Variants in ZNF594 observed in about 807,000 individuals in gnomAD.
ZNF594 encodes the protein zinc finger protein HZF18.
For synonymous variants in ZNF594, 336 were observed against 309.4 expected (o/e 1.09, Z -0.90); for missense variants, 1,037 against 964.6 (o/e 1.08, Z -0.99).
In ZNF594 at chr17:5,187,768, A is replaced by G. The variant is rs144401024; in HGVS notation, c.-20-3492T>C. Among the ~76,000 whole-genome samples the G allele has an allele frequency of 5.9e-5, 9 of 152,340 alleles. No homozygotes were observed. The East Asian group carries it at 1.7e-3, about 29-fold the overall frequency. ...TAAATACACATAAAACATTTAGAAC[A>G]GTGCTTTGCATACAGAAAGCACTAT... On this transcript the variant is annotated intron_variant, in intron 1 of 1. Transcript: ENST00000575779.
At position 5,184,212 on chromosome 17, in the gene ZNF594, CTTCTT is replaced by C. The variant is rs776043089; in HGVS notation, c.40_44del (p.Lys14ValfsTer18). 1.4e-5 allele frequency: 23 copies of C among 1,613,026 alleles called. No homozygotes were observed. The highest frequency in any genetic ancestry group is 1.6e-4 in the Middle Eastern group (1 of 6,080). ...GTTTTTCGGATGCAGCCCTTGCTGACTTCTTTTCTTCAGAAATTTCCATCTTTGAT... is the reference window on the plus strand; with the variant it reads ...GTTTTTCGGATGCAGCCCTTGCTGACTTCTTCAGAAATTTCCATCTTTGAT... On this transcript the variant is annotated frameshift_variant, in exon 2 of 2. Coordinates refer to ENST00000575779, the MANE Select transcript of ZNF594 (RefSeq NM_032530.2). LOFTEE classifies it low-confidence loss of function (END_TRUNC).
At chr17:5,190,866 A>G (rs982640583) in intron 1 of ZNF594, among the ~76,000 whole-genome samples, 4 of 151,992 alleles carry the variant, frequency 2.6e-5, no homozygotes, top group Non-Finnish European at 5.9e-5. Flanking sequence ...CTGATAAGAT[A>G]TTGAGGCAAG....
Position 5,183,010 on chromosome 17 carries a change from C to T in ZNF594, c.1247G>A (p.Ser416Asn). 1 of 1,614,104 alleles carries T rather than the reference C, an allele frequency of 6.2e-7. No individual in the cohort carries two copies. ...CKECGKTFNQ[S>N]SDLLRHHRIH... ...TCTATGATGTCTCAGAAGGTCTGAG[C>T]TCTGATTGAAAGTTTTCCCACATTC... is the stretch of plus-strand genomic sequence containing the variant. The change falls in exon 2 of 2, where the codon AGC becomes AAC. Residue 416 changes from serine to asparagine, a missense_variant. Physicochemically the swap from Ser to Asn is conservative, Grantham distance 46. Coordinates refer to ENST00000575779, the MANE Select transcript of ZNF594 (RefSeq NM_032530.2).
At position 5,179,550 on chromosome 17, in the gene ZNF594, T is replaced by C. The variant is rs1000767162; in HGVS notation, c.*2283A>G. ...AGTCACTAAGTAATTCTTAAATAAC[T>C]TTTATTTCAACATTCAGTTAAAAAC... On this transcript the variant is annotated 3_prime_UTR_variant, in exon 2 of 2. Transcript: ENST00000575779. The C allele has an allele frequency of 2.0e-5, 3 of 152,632 alleles. No individual in the cohort carries two copies. The highest frequency in any genetic ancestry group is 4.4e-5 in the Non-Finnish European group (3 of 68,032). 9.5% of individuals were successfully genotyped at this position (152,632 alleles called of 1,614,324 possible).
rs1490812754 is a variant in ZNF594, at chr17:5,184,170, G to A, written c.87C>T (p.Thr29=). 1.2e-6 allele frequency: 2 copies of A among 1,613,930 alleles called. No individual in the cohort carries two copies. Among genetic ancestry groups the A allele is most frequent in the African/African-American group, 1.3e-5 (1 of 74,878 alleles). ...AASEKLQRQI[T]QECELVETSN... ...TGGTTTCAACTAACTCACATTCCTG[G>A]GTGATTTGTCTTTGGAGTTTTTCGG... Residue 29 remains threonine (T), a synonymous_variant, in exon 2 of 2, where the codon ACC becomes ACT. Transcript: ENST00000575779.
chr17:5,188,833 C>T (rs7212059), intron 1 of ZNF594, among the ~76,000 whole-genome samples: 9,438 of 150,746 alleles, frequency 0.063, 375 homozygotes, highest in East Asian at 0.17. Context: ...CTGCAAGCTC[C>T]GCCTCCCGGG....
At position 5,180,223 on chromosome 17, in the gene ZNF594, G is replaced by C. The variant is rs1465098757; in HGVS notation, c.*1610C>G. ...CTACAGGCGTGCCCCACCATGCCTG[G>C]CTAATTTTTGTTATTTTTAGTAGAG... On this transcript the variant is annotated 3_prime_UTR_variant, in exon 2 of 2. Coordinates refer to ENST00000575779, the MANE Select transcript of ZNF594 (RefSeq NM_032530.2). 1 of 151,954 alleles carries C rather than the reference G, an allele frequency of 6.6e-6. No homozygotes were observed. Among genetic ancestry groups the C allele is most frequent in the Non-Finnish European group, 1.5e-5 (1 of 68,034 alleles). The allele number at this position is 151,954 out of a possible 1,614,324, so 9.4% of individuals were successfully genotyped here. A position where few individuals can be genotyped will look rare whatever the true frequency, so the allele number is the denominator to read the frequency against.
Position 5,183,086 on chromosome 17 carries a change from G to C in ZNF594, c.1171C>G (p.Leu391Val). Reference sequence around the variant, plus strand: ...GTATGAGTTACCTGATGTCTGATGAGGTCTGAGGTGCCCTGGAAATTCCTA... The same window carrying C: ...GTATGAGTTACCTGATGTCTGATGACGTCTGAGGTGCCCTGGAAATTCCTA... ...CGRNFQGTSD[L>V]IRHQVTHTGE... The change falls in exon 2 of 2, where the codon CTC (leucine) becomes GTC (valine). Residue 391 changes from leucine (L) to valine (V), a missense_variant. Leu to Val is a conservative substitution (Grantham distance 32, BLOSUM62 1). Transcript: ENST00000575779. The C allele has an allele frequency of 1.9e-6, 3 of 1,614,048 alleles. No homozygotes were observed. The highest frequency in any genetic ancestry group is 1.7e-5 in the Admixed American group (1 of 59,998).
At chr17:5,185,140 C>CACGTT (rs1200040539) in intron 1 of ZNF594, among the ~76,000 whole-genome samples, 1 of 152,098 alleles carries the variant, frequency 6.6e-6, no homozygotes, top group Admixed American at 6.5e-5. Flanking sequence ...TTTGAGGGTC[C>CACGTT]ACGTTATCAA....
In ZNF594 at chr17:5,181,121, G is replaced by A. The variant is rs769902809; in HGVS notation, c.*712C>T. On this transcript the variant is annotated 3_prime_UTR_variant, in exon 2 of 2. Coordinates refer to ENST00000575779, the MANE Select transcript of ZNF594 (RefSeq NM_032530.2). ...TGACAAGGTGTGAGTTCTGACTGAA[G>A]GCCTTCCAACATTCAGGGCATTCAT... 123 of 1,566,754 alleles carry A rather than the reference G, an allele frequency of 7.9e-5. No individual in the cohort carries two copies. Among genetic ancestry groups the A allele is most frequent in the Non-Finnish European group, 2.4e-5 (27 of 1,141,642 alleles).
Position 5,182,618 on chromosome 17 carries a change from T to C in ZNF594, c.1639A>G (p.Lys547Glu), listed in dbSNP as rs2074352858. 1 of 1,613,500 alleles carries C rather than the reference T, an allele frequency of 6.2e-7. No individual in the cohort carries two copies. Among genetic ancestry groups the C allele is most frequent in the Non-Finnish European group, 8.5e-7 (1 of 1,179,690 alleles). Reference protein sequence around the residue: ...LHTGEKLECEKTFSQDEELRG... With the variant: ...LHTGEKLECEETFSQDEELRG... The stretch of plus-strand genomic sequence containing the variant: ...AGCTCCTCATCCTGGCTGAAGGTTT[T>C]CTCACATTCAAGTTTCTCTCCAGTA... The change falls in exon 2 of 2, where the codon AAA (lysine) becomes GAA (glutamate). Residue 547 changes from lysine to glutamate, a missense_variant. By Grantham distance (56) the Lys-to-Glu change is moderately conservative (BLOSUM62 1). Transcript: ENST00000575779.
chr17:5,183,196 TCA>T lies in ZNF594; in HGVS notation c.1059_1060del (p.Cys353Ter). ...CTCCTCATCCTTGCTGAAGGTTTTC[TCA>T]CATTCTTCAATTTTCTCTCCAGCAT... On this transcript the variant is annotated stop_gained and frameshift_variant, in exon 2 of 2. Coordinates refer to ENST00000575779, the MANE Select transcript of ZNF594 (RefSeq NM_032530.2). LOFTEE classifies it low-confidence loss of function (END_TRUNC). The T allele has an allele frequency of 6.2e-7, 1 of 1,614,190 alleles. No homozygotes were observed.
chr17:5,181,170 C>G lies in ZNF594; in HGVS notation c.*663G>C, dbSNP rs749861604. 6.2e-7 allele frequency: 1 copy of G among 1,609,788 alleles called. No homozygotes were observed. The highest frequency in any genetic ancestry group is 8.5e-7 in the Non-Finnish European group (1 of 1,176,920). The stretch of plus-strand genomic sequence containing the variant: ...ATAGGGTTTCTCTCCAGTATGAACA[C>G]GATGGTGTCTAATAAGATCTGAGCT... On this transcript the variant is annotated 3_prime_UTR_variant, in exon 2 of 2. Coordinates refer to ENST00000575779, the MANE Select transcript of ZNF594 (RefSeq NM_032530.2).
chr17:5,187,967 G>A (rs1452097842), intron 1 of ZNF594, among the ~76,000 whole-genome samples: 1 of 144,714 alleles, frequency 6.9e-6, no homozygotes, highest in Non-Finnish European at 1.5e-5. Flanking sequence ...AGGCCATCCT[G>A]CCCTGGACTC....
chr17:5,176,823 G>C (rs1208163373), downstream of ZNF594, among the ~76,000 whole-genome samples: 2 of 151,476 alleles, frequency 1.3e-5, no homozygotes, highest in East Asian at 1.9e-4. Flanking sequence ...CGATCAAAAT[G>C]AAAGAATGAG....
intron 1 of ZNF594, among the ~76,000 whole-genome samples, chr17:5,185,216 G>C (rs1001823009): frequency 1.3e-5 from 2 of 152,150 alleles, no homozygotes; most frequent in Non-Finnish European, 2.9e-5. Flanking sequence ...CCTGAGACTG[G>C]AGAGAAAAAG....
chr17:5,178,901 T>C (rs1307578176), downstream of ZNF594, among the ~76,000 whole-genome samples: 1 of 152,148 alleles, frequency 6.6e-6, no homozygotes, highest in East Asian at 1.9e-4. Context: ...ATTTATAGAA[T>C]ACCTTTTTAA....
intron 1 of ZNF594, among the ~76,000 whole-genome samples, chr17:5,185,933 T>G (rs1421833788): frequency 6.6e-6 from 1 of 152,196 alleles, no homozygotes; most frequent in African/African-American, 2.4e-5. Flanking sequence ...ACTCCACCCC[T>G]GTGGCTTTGT....
chr17:5,183,616 T>G lies in ZNF594; in HGVS notation c.641A>C (p.Lys214Thr). 1 of 1,614,168 alleles carries G rather than the reference T, an allele frequency of 6.2e-7. No individual in the cohort carries two copies. The highest frequency in any genetic ancestry group is 8.5e-7 in the Non-Finnish European group (1 of 1,180,026). The change falls in exon 2 of 2, where the codon AAA (lysine) becomes ACA (threonine). Residue 214 changes from lysine to threonine, a missense_variant. Transcript: ENST00000575779. ...IHSGGNPYECKECGKAFKGSS... is the reference protein window; with the variant it reads ...IHSGGNPYECTECGKAFKGSS... The stretch of plus-strand genomic sequence containing the variant: ...TCCCTTAAAAGCCTTCCCACACTCT[T>G]TGCACTCATAGGGATTCCCACCACT...
Sources: allele counts gnomAD v4.1 joint callset (sites outside exome capture counted in the v4.1 genomes callset), GRCh38; gene constraint gnomAD v4.1.1; transcripts MANE v1.5; gene names NCBI Gene and HGNC (gene_info 2026-07-23, HGNC 2026-07-21).